RASEF: variants seen among roughly 807,000 people sequenced by gnomAD.
RASEF encodes RAS and EF-hand domain containing.
RASEF carries 68 observed loss-of-function variants against 90.1 expected under a neutral mutation model. That is an observed-to-expected ratio of 0.75 (90% CI 0.62 to 0.92). The LOEUF is 0.92. Among genes scored for constraint, RASEF ranks in the 40% least tolerant of loss-of-function variants. The probability of loss-of-function intolerance (pLI) is 0.00; values close to 1 mark genes in which losing one functional copy is unlikely to be tolerated. For synonymous variants in RASEF, 331 were observed against 345.2 expected (o/e 0.96, Z 0.46); for missense variants, 949 against 937.2 (o/e 1.01, Z -0.16).
the RASEF span, among the ~76,000 whole-genome samples, chr9:83,068,761 A>C: frequency 6.6e-6 from 1 of 152,246 alleles, no homozygotes; most frequent in South Asian, 2.1e-4. Context: ...TCATTTGCTT[A>C]CAGTAATTGT....
chr9:83,166,920 A>G, the RASEF span, among the ~76,000 whole-genome samples: 1 of 152,162 alleles, frequency 6.6e-6, no homozygotes, highest in Non-Finnish European at 1.5e-5. Context: ...GATCTAAGAT[A>G]TGAGACTTAA....
intron 1 of RASEF, among the ~76,000 whole-genome samples, chr9:83,052,333 G>A (rs1364438357): frequency 1.5e-5 from 2 of 134,448 alleles, no homozygotes; most frequent in Admixed American, 1.5e-4. Flanking sequence ...TATTTGCGTA[G>A]AGGTGTTTGT....
Position 83,015,907 on chromosome 9 carries a change from GA to G in RASEF, c.670-8del, listed in dbSNP as rs770770787. ...CCTCAGCTTTGCGTTTTTCCTAAAA[GA>G]AAAAAAAATATGTTGTTCATTTAAA... On this transcript the variant is annotated splice_region_variant and splice_polypyrimidine_tract_variant and intron_variant, in intron 3 of 16. Coordinates refer to ENST00000376447, the MANE Select transcript of RASEF (RefSeq NM_152573.4). 424 of 1,580,576 alleles carry G rather than the reference GA, an allele frequency of 2.7e-4. 1 individual carries two copies. In the East Asian group the frequency reaches 2.8e-3, roughly 11 times the overall value.
chr9:83,149,399 C>T, the RASEF span, among the ~76,000 whole-genome samples: 5,454 of 152,194 alleles, frequency 0.036, 314 homozygotes, highest in African/African-American at 0.12. Flanking sequence ...AGAAGGCTTT[C>T]CCCAGGAAGA....
intron 4 of RASEF, 31 bp downstream of exon 4, chr9:83,015,774 G>T: frequency 1.3e-6 from 2 of 1,499,926 alleles, no homozygotes; most frequent in Non-Finnish European, 1.9e-6. Flanking sequence ...TGCTGAGGCT[G>T]TTCCTACAAG....
the RASEF span, among the ~76,000 whole-genome samples, chr9:83,159,185 CAAA>C: frequency 6.1e-3 from 634 of 103,284 alleles, 4 homozygotes; most frequent in African/African-American, 0.022. Flanking sequence ...GACTCCGTCT[CAAA>C]AAAAAAAAAA....
chr9:83,118,701 G>A, the RASEF span, among the ~76,000 whole-genome samples: 14 of 152,042 alleles, frequency 9.2e-5, no homozygotes, highest in Admixed American at 8.5e-4. Flanking sequence ...AGTTTCTTAT[G>A]GGAGATAAAA....
At chr9:83,176,809 C>G in the RASEF span, among the ~76,000 whole-genome samples, 1 of 151,900 alleles carries the variant, frequency 6.6e-6, no homozygotes, top group Non-Finnish European at 1.5e-5. Context: ...ACATATTAAC[C>G]TATTAATCTA....
At chr9:83,071,822 G>A in the RASEF span, among the ~76,000 whole-genome samples, 2 of 152,208 alleles carry the variant, frequency 1.3e-5, no homozygotes, top group Admixed American at 6.5e-5. Context: ...GTAAGTGGGT[G>A]TCTTATTGCC....
intron 3 of RASEF, among the ~76,000 whole-genome samples, chr9:83,017,498 T>TC (rs1829364777): frequency 9.7e-6 from 1 of 103,086 alleles, no homozygotes; most frequent in East Asian, 4.4e-4. Context: ...AGACTCTGTC[T>TC]CAAAAAAAAA....
the RASEF span, among the ~76,000 whole-genome samples, chr9:83,215,797 G>A: frequency 6.6e-6 from 1 of 152,182 alleles, no homozygotes; most frequent in African/African-American, 2.4e-5. Context: ...ATATGGGAAA[G>A]TTTGGAACTT....
At chr9:83,004,668 AT>A in intron 8 of RASEF, 82 bp from the exon 9 acceptor site, 1 of 838,024 alleles carries the variant, frequency 1.2e-6, no homozygotes, top group Non-Finnish European at 2.0e-6. Flanking sequence ...ACACAAACCC[AT>A]TTTTTAAAAC....
intron 1 of RASEF, among the ~76,000 whole-genome samples, chr9:83,040,112 T>C (rs1587515493): frequency 6.6e-6 from 1 of 152,104 alleles, no homozygotes; most frequent in Admixed American, 6.6e-5. Flanking sequence ...GTGCCTTTGC[T>C]CCTCCCTCGC....
At chr9:83,002,022 T>C (rs1829049471) in intron 9 of RASEF, among the ~76,000 whole-genome samples, 1 of 152,206 alleles carries the variant, frequency 6.6e-6, no homozygotes, top group South Asian at 2.1e-4. Flanking sequence ...AAGAGAATCA[T>C]AAGAAACTGT....
intron 8 of RASEF, 125 bp from the exon 9 acceptor site, chr9:83,004,711 T>G: frequency 1.6e-6 from 1 of 619,722 alleles, no homozygotes; most frequent in Non-Finnish European, 2.8e-6. Context: ...CTAATGTAAC[T>G]AAAAGTTTGT....
chr9:83,131,143 G>T, the RASEF span, among the ~76,000 whole-genome samples: 1 of 152,110 alleles, frequency 6.6e-6, no homozygotes, highest in Non-Finnish European at 1.5e-5. Flanking sequence ...CAAACAACAG[G>T]ATTTGTTCAC....
At chr9:83,201,437 G>A in the RASEF span, among the ~76,000 whole-genome samples, 5 of 152,152 alleles carry the variant, frequency 3.3e-5, no homozygotes, top group Non-Finnish European at 5.9e-5. Flanking sequence ...AAGAGGCCTT[G>A]GTAATGGAGG....
the RASEF span, among the ~76,000 whole-genome samples, chr9:83,091,150 C>G: frequency 2.4e-4 from 36 of 152,278 alleles, no homozygotes; most frequent in African/African-American, 7.9e-4. Context: ...CAAGATCAAC[C>G]AGTCATGAGT....
chr9:83,027,751 T>C (rs1406018732), intron 1 of RASEF, among the ~76,000 whole-genome samples: 1 of 152,208 alleles, frequency 6.6e-6, no homozygotes, highest in Non-Finnish European at 1.5e-5. Context: ...TGTAGCATGA[T>C]GTATGAATAA....
Sources: gnomAD v4.1 joint callset for allele counts (sites outside exome capture counted in the v4.1 genomes callset) on GRCh38, gnomAD v4.1.1 for gene constraint, MANE v1.5 for transcripts, NCBI Gene and HGNC (gene_info 2026-07-23, HGNC 2026-07-21) for gene names.